MAGI2: variants seen among roughly 807,000 people sequenced by gnomAD.
MAGI2 encodes the protein membrane associated guanylate kinase, WW and PDZ domain containing 2, also known as membrane-associated guanylate kinase, WW and PDZ domain-containing protein 2.
MAGI2 carries 35 observed loss-of-function variants against 133.3 expected under a neutral mutation model. That is an observed-to-expected ratio of 0.26 (90% CI 0.20 to 0.35). MAGI2 has a LOEUF of 0.35. MAGI2 is among the 10% of genes least tolerant of loss of function. The pLI is 1.00. For missense variants in MAGI2, 1,636 were observed against 1,863.4 expected, an observed-to-expected ratio of 0.88 and a Z score of 2.25; for synonymous variants, 729 against 710.6, an observed-to-expected ratio of 1.03 and a Z score of -0.41.
At chr7:78,556,836 C>T (rs1799867766) in intron 3 of MAGI2, among the ~76,000 whole-genome samples, 2 of 151,936 alleles carry the variant, frequency 1.3e-5, no homozygotes, top group South Asian at 4.1e-4. Context: ...CGCCTGTAAT[C>T]CCAGCACTTT....
intron 1 of MAGI2, among the ~76,000 whole-genome samples, chr7:79,127,934 T>C (rs752433246): frequency 2.5e-4 from 38 of 152,294 alleles, no homozygotes; most frequent in African/African-American, 9.1e-4. Flanking sequence ...TGGTTTTAGG[T>C]CTAACATGAA....
chr7:78,990,712 A>G (rs997876740), intron 2 of MAGI2, among the ~76,000 whole-genome samples: 4 of 152,088 alleles, frequency 2.6e-5, no homozygotes, highest in African/African-American at 9.7e-5. Context: ...GTACATTGAT[A>G]TGAGATAAAC....
rs141694002 is a variant in MAGI2 at position 78,330,902 on chromosome 7, C to G, written c.1408+12876G>C. ...GAACCAAAGGCTCAGTTCAGAGAGA[C>G]AGAGTAGTACGAACTGAACGAATCT... On this transcript the variant is annotated intron_variant, in intron 9 of 21. Coordinates refer to ENST00000354212, the MANE Select transcript of MAGI2 (RefSeq NM_012301.4). Among the ~76,000 whole-genome samples, 361 of 152,178 alleles carry G rather than the reference C, an allele frequency of 2.4e-3. 1 individual carries two copies. Among genetic ancestry groups the G allele is most frequent in the African/African-American group, 8.5e-3 (351 of 41,516 alleles).
At chr7:79,184,101 T>C (rs1417282549) in intron 1 of MAGI2, among the ~76,000 whole-genome samples, 2 of 151,884 alleles carry the variant, frequency 1.3e-5, no homozygotes, top group Admixed American at 1.3e-4. Flanking sequence ...TCAATATTAA[T>C]GTATTGTGTA....
intron 1 of MAGI2, among the ~76,000 whole-genome samples, chr7:79,450,165 T>G (rs941758309): frequency 2.0e-5 from 3 of 152,000 alleles, no homozygotes; most frequent in Non-Finnish European, 4.4e-5. Context: ...ATCAGTCTCA[T>G]TAATGTTTTA....
At chr7:78,558,990 A>C (rs1405530850) in intron 3 of MAGI2, among the ~76,000 whole-genome samples, 1 of 151,722 alleles carries the variant, frequency 6.6e-6, no homozygotes, top group Middle Eastern at 3.2e-3. Context: ...TCAGGAACCC[A>C]ATTTCATTTT....
At chr7:79,301,327 C>T (rs1837382289) in intron 1 of MAGI2, among the ~76,000 whole-genome samples, 1 of 152,238 alleles carries the variant, frequency 6.6e-6, no homozygotes, top group East Asian at 1.9e-4. Flanking sequence ...CCTGTAAAGT[C>T]ACAAAAGCAG....
At chr7:78,450,162 C>A (rs375750076) in intron 6 of MAGI2, among the ~76,000 whole-genome samples, 3 of 151,858 alleles carry the variant, frequency 2.0e-5, no homozygotes, top group East Asian at 1.9e-4. Context: ...TTTCCTCCTC[C>A]CATGTTATCA....
intron 9 of MAGI2, among the ~76,000 whole-genome samples, chr7:78,284,888 A>C (rs1362152959): frequency 6.6e-6 from 1 of 152,138 alleles, no homozygotes; most frequent in Non-Finnish European, 1.5e-5. Context: ...TCACGTTTTG[A>C]ATTTCATTCC....
intron 2 of MAGI2, among the ~76,000 whole-genome samples, chr7:78,844,574 T>C (rs1331168032): frequency 1.3e-5 from 2 of 151,990 alleles, no homozygotes; most frequent in Admixed American, 6.6e-5. Context: ...ATTTCATTTG[T>C]ATGAAATGTC....
chr7:78,162,566 T>G (rs1825173730), intron 15 of MAGI2, among the ~76,000 whole-genome samples: 1 of 151,382 alleles, frequency 6.6e-6, no homozygotes, highest in South Asian at 2.1e-4. Context: ...AAGAATTATC[T>G]GTCTTTGCAG....
At chr7:78,190,350 T>G (rs1171072667) in intron 12 of MAGI2, among the ~76,000 whole-genome samples, 31 of 152,236 alleles carry the variant, frequency 2.0e-4, no homozygotes, top group Non-Finnish European at 2.9e-5. Flanking sequence ...AAAAAATTAT[T>G]TATCTGAGTA....
intron 2 of MAGI2, among the ~76,000 whole-genome samples, chr7:78,786,849 A>C (rs748065906): frequency 6.6e-6 from 1 of 152,168 alleles, no homozygotes; most frequent in Non-Finnish European, 1.5e-5. Context: ...CAGAGATTTG[A>C]GTTGCTTCCG....
chr7:78,775,364 T>TAAAAAAA (rs1825914661), intron 2 of MAGI2, among the ~76,000 whole-genome samples: 1 of 80,102 alleles, frequency 1.2e-5, no homozygotes, highest in Non-Finnish European at 2.6e-5. Flanking sequence ...AAAGGAAGCC[T>TAAAAAAA]AAAGGTCAAA....
At chr7:78,402,992 T>C (rs534255670) in intron 6 of MAGI2, among the ~76,000 whole-genome samples, 2 of 152,276 alleles carry the variant, frequency 1.3e-5, no homozygotes, top group African/African-American at 4.8e-5. Context: ...TTTTAAACAA[T>C]CAAATTAACT....
At chr7:79,270,555 G>A (rs1293232565) in intron 1 of MAGI2, among the ~76,000 whole-genome samples, 3 of 152,038 alleles carry the variant, frequency 2.0e-5, no homozygotes, top group African/African-American at 4.8e-5. Flanking sequence ...GGCAAGATAG[G>A]GGATACAAAG....
chr7:79,048,506 G>A (rs748256927), intron 1 of MAGI2, among the ~76,000 whole-genome samples: 3 of 152,090 alleles, frequency 2.0e-5, no homozygotes, highest in Non-Finnish European at 4.4e-5. Flanking sequence ...ACATTTTTTA[G>A]TGTGTTTCAG....
chr7:79,354,937 C>G (rs959657574), intron 1 of MAGI2, among the ~76,000 whole-genome samples: 11 of 152,128 alleles, frequency 7.2e-5, no homozygotes, highest in African/African-American at 1.2e-4. Flanking sequence ...GGTGTAAGCC[C>G]CCTTCTCCTA....
intron 2 of MAGI2, among the ~76,000 whole-genome samples, chr7:78,763,713 C>G (rs1824741741): frequency 1.4e-5 from 2 of 140,604 alleles, no homozygotes; most frequent in Admixed American, 1.4e-4. Context: ...TCCACCTAAA[C>G]AAGGAAAGTA....
Sources: gnomAD v4.1 joint callset for allele counts (sites outside exome capture counted in the v4.1 genomes callset) on GRCh38, gnomAD v4.1.1 for gene constraint, MANE v1.5 for transcripts, NCBI Gene and HGNC (gene_info 2026-07-23, HGNC 2026-07-21) for gene names.